Variants in WDFY4 observed in about 807,000 individuals in gnomAD.
WDFY4 encodes the protein WDFY family member 4, also known as WD repeat- and FYVE domain-containing protein 4.
A neutral mutation model predicts 351.9 loss-of-function variants in WDFY4; 169 were observed. The observed-to-expected ratio is 0.48, with a 90% CI of 0.42 to 0.55. The LOEUF is 0.55. WDFY4 is among the 20% of genes least tolerant of loss of function. WDFY4 has a pLI of 0.00. For synonymous variants in WDFY4, 1,622 were observed against 1,574.6 expected (o/e 1.03, Z -0.71); for missense variants, 3,803 against 3,935.6 (o/e 0.97, Z 0.90).
intron 1 of WDFY4, among the ~76,000 whole-genome samples, chr10:48,692,059 A>G (rs2063209475): frequency 1.3e-5 from 2 of 152,220 alleles, no homozygotes; most frequent in Admixed American, 1.3e-4. Context: ...GGGGGGTGTG[A>G]GCCTCAGGGC....
chr10:48,974,465 T>G (rs1842460801), intron 57 of WDFY4, among the ~76,000 whole-genome samples: 1 of 120,294 alleles, frequency 8.3e-6, no homozygotes, highest in Non-Finnish European at 1.6e-5. Flanking sequence ...ATCATGCCAT[T>G]GCACTCCAGC....
At chr10:48,821,359 G>A (rs2067817892) in intron 34 of WDFY4, among the ~76,000 whole-genome samples, 183 bp downstream of exon 34, 2 of 152,228 alleles carry the variant, frequency 1.3e-5, no homozygotes, top group Non-Finnish European at 2.9e-5. Context: ...GTGGAGGGGT[G>A]CTTGCTACTT....
At chr10:48,869,758 A>G (rs1033470336) in intron 40 of WDFY4, among the ~76,000 whole-genome samples, 1 of 152,124 alleles carries the variant, frequency 6.6e-6, no homozygotes, top group Non-Finnish European at 1.5e-5. Context: ...CACAGTCTTT[A>G]CTGGTTGGAG....
At chr10:48,860,831 G>C (rs1387124122) in intron 39 of WDFY4, among the ~76,000 whole-genome samples, 2 of 152,024 alleles carry the variant, frequency 1.3e-5, no homozygotes, top group African/African-American at 2.4e-5. Flanking sequence ...AGGATTTCTT[G>C]TTATCCTTTT....
At chr10:48,725,714 G>A (rs2064245947) in intron 5 of WDFY4, among the ~76,000 whole-genome samples, 167 bp from the exon 6 acceptor site, 1 of 152,120 alleles carries the variant, frequency 6.6e-6, no homozygotes, top group East Asian at 1.9e-4. Context: ...CTTTCCTAGG[G>A]GGCTCTGTTG....
chr10:48,886,803 G>T (rs1419738939), intron 43 of WDFY4, among the ~76,000 whole-genome samples: 1 of 152,180 alleles, frequency 6.6e-6, no homozygotes, highest in Non-Finnish European at 1.5e-5. Flanking sequence ...GCTAGCTGTG[G>T]CTACTTTCTT....
intron 39 of WDFY4, among the ~76,000 whole-genome samples, chr10:48,843,888 T>C (rs984185305): frequency 5.3e-5 from 8 of 152,192 alleles, no homozygotes; most frequent in African/African-American, 1.9e-4. Flanking sequence ...AAATTAAGTG[T>C]TTTCAAAAAC....
intron 47 of WDFY4, among the ~76,000 whole-genome samples, chr10:48,914,650 G>A (rs575658312): frequency 2.0e-5 from 3 of 152,320 alleles, no homozygotes; most frequent in Admixed American, 2.0e-4. Flanking sequence ...GGACTGCTGA[G>A]TTTTCCAGCC....
intron 39 of WDFY4, among the ~76,000 whole-genome samples, chr10:48,838,308 G>A (rs990933703): frequency 3.3e-5 from 5 of 152,182 alleles, no homozygotes; most frequent in African/African-American, 4.8e-5. Context: ...ACCATTGGGC[G>A]CCTTGGAGAC....
intron 57 of WDFY4, among the ~76,000 whole-genome samples, chr10:48,972,626 A>C (rs892600265): frequency 6.6e-6 from 1 of 152,240 alleles, no homozygotes; most frequent in Non-Finnish European, 1.5e-5. Flanking sequence ...AGTTGTTTCC[A>C]AGTTTTAACT....
At chr10:48,780,889 T>C (rs1408528679) in intron 19 of WDFY4, among the ~76,000 whole-genome samples, 2 of 152,200 alleles carry the variant, frequency 1.3e-5, no homozygotes, top group East Asian at 1.9e-4. Flanking sequence ...TCAGAATCTC[T>C]CTGGGTCAGG....
chr10:48,746,142 G>A (rs1187124210), intron 12 of WDFY4: 2 of 152,892 alleles, frequency 1.3e-5, no homozygotes, highest in Admixed American at 6.5e-5. Context: ...CTGCGGCAGC[G>A]GCCTGGGAAA....
chr10:48,943,225 C>T (rs984808425), intron 48 of WDFY4, 105 bp from the exon 49 acceptor site: 2 of 1,385,050 alleles, frequency 1.4e-6, no homozygotes, highest in African/African-American at 1.4e-5. Context: ...TGCCTGTCCT[C>T]ACCCACAGAG....
At chr10:48,971,737 C>A (rs924955401) in intron 57 of WDFY4, among the ~76,000 whole-genome samples, 14 of 152,206 alleles carry the variant, frequency 9.2e-5, no homozygotes, top group Non-Finnish European at 2.1e-4. Context: ...ATGAATAGGG[C>A]AGTGCGAGAA....
chr10:48,688,771 A>T (rs1386407551), intron 1 of WDFY4, among the ~76,000 whole-genome samples: 1 of 152,184 alleles, frequency 6.6e-6, no homozygotes, highest in Non-Finnish European at 1.5e-5. Context: ...TGAGATAATG[A>T]CAGGTGGTCA....
chr10:48,716,915 T>TC (rs2063928035), intron 2 of WDFY4, among the ~76,000 whole-genome samples: 1 of 152,186 alleles, frequency 6.6e-6, no homozygotes, highest in Non-Finnish European at 1.5e-5. Context: ...ACAGACTTTT[T>TC]CTCTCCAGGG....
intron 1 of WDFY4, among the ~76,000 whole-genome samples, chr10:48,705,067 C>T (rs2063589979): frequency 1.3e-5 from 2 of 152,076 alleles, no homozygotes; most frequent in Admixed American, 1.3e-4. Context: ...GCAGTCTGGC[C>T]CCAGAGTCTG....
intron 18 of WDFY4, among the ~76,000 whole-genome samples, chr10:48,779,397 A>G (rs1293676588): frequency 6.6e-6 from 1 of 152,202 alleles, no homozygotes; most frequent in Non-Finnish European, 1.5e-5. Flanking sequence ...TGAGATGGTC[A>G]AGTCCAGTGG....
chr10:48,808,922 T>A (rs2067347232), intron 28 of WDFY4, among the ~76,000 whole-genome samples: 1 of 152,214 alleles, frequency 6.6e-6, no homozygotes, highest in Non-Finnish European at 1.5e-5. Flanking sequence ...TGCATGAGAA[T>A]AAAAATTGTA....
Sources: gnomAD v4.1 joint callset for allele counts (sites outside exome capture counted in the v4.1 genomes callset) on GRCh38, gnomAD v4.1.1 for gene constraint, MANE v1.5 for transcripts, NCBI Gene and HGNC (gene_info 2026-07-23, HGNC 2026-07-21) for gene names.